The following MED12L variants were observed in gnomAD, a reference collection of about 807,000 sequenced individuals.
MED12L encodes the protein mediator of RNA polymerase II transcription subunit 12-like protein.
A neutral mutation model predicts 281.3 loss-of-function variants in MED12L; 60 were observed. The observed-to-expected ratio is 0.21, with a 90% CI of 0.17 to 0.26. The LOEUF (loss-of-function observed/expected upper bound fraction) is 0.26, where lower values mean the gene tolerates loss of function less well. Ranked by LOEUF, MED12L falls within the 10% of genes least tolerant of loss-of-function variation. MED12L has a pLI of 1.00. For missense variants in MED12L, 2,146 were observed against 2,680.9 expected, an observed-to-expected ratio of 0.80 and a Z score of 4.41; for synonymous variants, 974 against 987.2, an observed-to-expected ratio of 0.99 and a Z score of 0.25.
intron 16 of MED12L, among the ~76,000 whole-genome samples, chr3:151,284,610 GTTTGTTTGTTTT>G (rs914204699): frequency 4.6e-5 from 7 of 152,066 alleles, no homozygotes; most frequent in African/African-American, 1.7e-4. Flanking sequence ...TTGTTTGTTT[GTTTGTTTGTTTT>G]TTGAGACAGA....
chr3:151,355,584 A>T (rs961224507), intron 18 of MED12L, among the ~76,000 whole-genome samples: 7 of 152,196 alleles, frequency 4.6e-5, no homozygotes, highest in Non-Finnish European at 1.0e-4. Context: ...AAGAAAACAC[A>T]TCTGTTTTGC....
rs1302369112 is a variant in MED12L at position 151,433,168 on chromosome 3, G to T, written c.*364G>T. On this transcript the variant is annotated 3_prime_UTR_variant, in exon 45 of 45. Coordinates refer to ENST00000687756, the MANE Select transcript of MED12L (RefSeq NM_001393769.1). ...GTATTTATGTATTTCATTCATTAATGATGACGTTGTTTTTTTTTTTTTAAT... is the reference window on the plus strand; with the variant it reads ...GTATTTATGTATTTCATTCATTAATTATGACGTTGTTTTTTTTTTTTTAAT... The T allele has an allele frequency of 5.9e-6, 1 of 168,914 alleles. No homozygotes were observed. The highest frequency in any genetic ancestry group is 6.4e-5 in the Admixed American group (1 of 15,528). 10.5% of individuals were successfully genotyped at this position (168,914 alleles called of 1,614,324 possible). A position where few individuals can be genotyped will look rare whatever the true frequency, so the allele number is the denominator to read the frequency against.
At chr3:151,173,023 C>T (rs1721619733) in intron 11 of MED12L, among the ~76,000 whole-genome samples, 2 of 151,112 alleles carry the variant, frequency 1.3e-5, no homozygotes, top group South Asian at 4.2e-4. Flanking sequence ...GCCTGTCACA[C>T]ATTGTTTAGA....
intron 16 of MED12L, chr3:151,336,601 T>C (rs1408718187): frequency 2.2e-6 from 1 of 453,444 alleles, no homozygotes; most frequent in African/African-American, 2.0e-5. Context: ...GTGTTATATG[T>C]TTTGTTTATG....
chr3:151,345,933 G>A (rs1237175751), intron 16 of MED12L, among the ~76,000 whole-genome samples: 3 of 152,122 alleles, frequency 2.0e-5, no homozygotes, highest in African/African-American at 4.8e-5. Flanking sequence ...GTAACACCTA[G>A]CATGAGTTCC....
chr3:151,354,440 A>T (rs1753673052), intron 17 of MED12L, among the ~76,000 whole-genome samples: 1 of 152,126 alleles, frequency 6.6e-6, no homozygotes, highest in South Asian at 2.1e-4. Context: ...GCCACTATTA[A>T]AAAAGGAATC....
chr3:151,279,530 T>G (rs1742469852), intron 16 of MED12L, among the ~76,000 whole-genome samples: 1 of 152,184 alleles, frequency 6.6e-6, no homozygotes, highest in Non-Finnish European at 1.5e-5. Context: ...AGAGCTTGTT[T>G]AGAGAAGTTC....
chr3:151,157,617 CACTTTTTATGTG>C (rs1373610792), intron 6 of MED12L, among the ~76,000 whole-genome samples: 2 of 152,052 alleles, frequency 1.3e-5, no homozygotes, highest in African/African-American at 2.4e-5. Flanking sequence ...TTTTAAATTG[CACTTTTTATGTG>C]ACTTTTTAAC....
In MED12L at chr3:151,165,505, A is replaced by C. The variant is rs752793804; in HGVS notation, c.1343A>C (p.Gln448Pro). 4.9e-5 allele frequency: 79 copies of C among 1,613,114 alleles called. No individual in the cohort carries two copies. The highest frequency in any genetic ancestry group is 6.6e-5 in the Non-Finnish European group (78 of 1,179,214). Residue 448 changes from glutamine (Q) to proline (P), a missense_variant, in exon 10 of 45, where the codon CAA becomes CCA. Physicochemically the swap from Gln to Pro is moderately conservative, Grantham distance 76. Coordinates refer to ENST00000687756, the MANE Select transcript of MED12L (RefSeq NM_001393769.1). ...VEVRWSFDKC[Q>P]ESTAGVTISR... is the part of the protein sequence containing the mutation. ...GTTCGGTGGTCATTTGACAAGTGCC[A>C]AGAATCCACAGCAGGTACAGAATGC...
At chr3:151,255,481 G>A (rs888499092) in intron 16 of MED12L, among the ~76,000 whole-genome samples, 8 of 152,064 alleles carry the variant, frequency 5.3e-5, no homozygotes, top group African/African-American at 1.9e-4. Context: ...CAGGCGGTTT[G>A]GGTATAAATG....
At chr3:151,236,031 A>AT (rs1362221156) in intron 16 of MED12L, among the ~76,000 whole-genome samples, 2 of 152,136 alleles carry the variant, frequency 1.3e-5, no homozygotes, top group Non-Finnish European at 2.9e-5. Flanking sequence ...CCAATCTAAT[A>AT]TTTTTTAACT....
intron 17 of MED12L, among the ~76,000 whole-genome samples, chr3:151,354,070 G>A (rs12486265): frequency 0.28 from 40,897 of 144,944 alleles, 6,010 homozygotes; most frequent in Non-Finnish European, 0.31. Context: ...GAACCCGGGA[G>A]GCGGAGCTTG....
At chr3:151,108,972 C>T (rs1421030449) in intron 2 of MED12L, among the ~76,000 whole-genome samples, 1 of 151,744 alleles carries the variant, frequency 6.6e-6, no homozygotes, top group Non-Finnish European at 1.5e-5. Context: ...GAAAGTGATC[C>T]AAAAAATAAG....
At position 151,394,828 on chromosome 3, in the gene MED12L, G is replaced by A. The variant is rs370353497; in HGVS notation, c.5781G>A (p.Gln1927=). The change falls in exon 39 of 45, where the codon CAG becomes CAA. Residue 1927 remains glutamine (Q), a synonymous_variant. Transcript: ENST00000687756. Reference sequence around the variant, plus strand: ...AGCTTCTGCAGCAGCAGCAGCAACAGCGACTTCTCAGGCAAGCCCAGACTC... The same window carrying A: ...AGCTTCTGCAGCAGCAGCAGCAACAACGACTTCTCAGGCAAGCCCAGACTC... The part of the protein sequence containing the change: ...QMKLLQQQQQ[Q]RLLRQAQTRP... 4.3e-6 allele frequency: 7 copies of A among 1,614,056 alleles called. No individual in the cohort carries two copies. In the African/African-American group the frequency reaches 5.3e-5, roughly 12 times the overall value.
chr3:151,358,703 A>T (rs1754240962), intron 20 of MED12L, among the ~76,000 whole-genome samples: 1 of 152,098 alleles, frequency 6.6e-6, no homozygotes, highest in Non-Finnish European at 1.5e-5. Context: ...TTTTTACCTT[A>T]TATTAGTAAG....
At chr3:151,163,191 A>T (rs1720224520) in intron 8 of MED12L, among the ~76,000 whole-genome samples, 1 of 152,200 alleles carries the variant, frequency 6.6e-6, no homozygotes, top group South Asian at 2.1e-4. Context: ...GTGACACATA[A>T]GCAAGATGGT....
intron 38 of MED12L, 57 bp from the exon 39 acceptor site, chr3:151,394,599 A>C (rs1372355211): frequency 1.9e-6 from 3 of 1,600,580 alleles, no homozygotes; most frequent in Admixed American, 3.5e-5. Context: ...TTGATACATA[A>C]AAAGACCTGT....
At chr3:151,274,843 A>C (rs1741583541) in intron 16 of MED12L, among the ~76,000 whole-genome samples, 1 of 152,234 alleles carries the variant, frequency 6.6e-6, no homozygotes, top group South Asian at 2.1e-4. Context: ...CCTTTTCATC[A>C]CACCATCTCT....
At chr3:151,361,084 C>G (rs574340267) in intron 21 of MED12L, among the ~76,000 whole-genome samples, 1 of 152,122 alleles carries the variant, frequency 6.6e-6, no homozygotes, top group East Asian at 1.9e-4. Flanking sequence ...TGATATCTAC[C>G]TTTTCTGAGC....
Sources: gnomAD v4.1 joint callset for allele counts (sites outside exome capture counted in the v4.1 genomes callset) on GRCh38, gnomAD v4.1.1 for gene constraint, MANE v1.5 for transcripts, NCBI Gene and HGNC (gene_info 2026-07-23, HGNC 2026-07-21) for gene names.